Variants in FGF14 observed in about 807,000 individuals in gnomAD.
FGF14 encodes fibroblast growth factor homologous factor 4.
A neutral mutation model predicts 25.5 loss-of-function variants in FGF14; 5 were observed. That is an observed-to-expected ratio of 0.20 (90% confidence interval 0.10 to 0.41). The LOEUF (loss-of-function observed/expected upper bound fraction) is 0.41. Ranked by LOEUF, FGF14 falls within the 10% of genes least tolerant of loss-of-function variation. The pLI is 1.00. For synonymous variants in FGF14, 138 were observed against 118.3 expected (o/e 1.17, Z -1.08); for missense variants, 222 against 320.1 (o/e 0.69, Z 2.34).
chr13:102,080,678 T>G (rs2140192841), intron 1 of FGF14, among the ~76,000 whole-genome samples: 1 of 152,368 alleles, frequency 6.6e-6, no homozygotes, highest in African/African-American at 2.4e-5. Context: ...GTTGGTGTTT[T>G]GTCTACACAG....
chr13:101,868,693 C>T (rs547320003), intron 3 of FGF14, 32 bp downstream of exon 3: 16 of 1,311,714 alleles, frequency 1.2e-5, no homozygotes, highest in East Asian at 4.6e-5. Flanking sequence ...ATGCATTGAA[C>T]GAATGGCCGA....
In FGF14 at chr13:102,401,769, G is replaced by A. The variant is rs1458457908; in HGVS notation, c.-91C>T. On this transcript the variant is annotated 5_prime_UTR_variant, in exon 1 of 5. Coordinates refer to the FGF14 transcript ENST00000376131. ...GACTTCTCAGTGATTGTTTGTTTTC[G>A]GCCAGGGTGAATGATTTATCCCCCC... is the stretch of plus-strand genomic sequence containing the variant. The A allele has an allele frequency of 4.5e-6, 5 of 1,106,192 alleles. No individual in the cohort carries two copies. In the African/African-American group the frequency reaches 4.7e-5, roughly 10 times the overall value. 68.5% of individuals were successfully genotyped at this position (1,106,192 alleles called of 1,614,324 possible).
At chr13:102,192,380 A>G (rs749476945) in intron 1 of FGF14, among the ~76,000 whole-genome samples, 2 of 152,186 alleles carry the variant, frequency 1.3e-5, no homozygotes, top group African/African-American at 2.4e-5. Context: ...GATTCAGTCC[A>G]TGAGTCATTA....
At chr13:102,137,186 T>C (rs745883090) in intron 1 of FGF14, among the ~76,000 whole-genome samples, 4 of 152,192 alleles carry the variant, frequency 2.6e-5, no homozygotes, top group Non-Finnish European at 5.9e-5. Context: ...GTTTTTCCAG[T>C]GATCACAATA....
intron 3 of FGF14, among the ~76,000 whole-genome samples, chr13:101,844,691 T>C (rs1054019733): frequency 8.8e-4 from 134 of 152,142 alleles, no homozygotes; most frequent in African/African-American, 3.2e-3. Flanking sequence ...ATTACATACA[T>C]AGTGTACATT....
chr13:102,038,740 G>C (rs2041592376), intron 1 of FGF14, among the ~76,000 whole-genome samples: 1 of 151,980 alleles, frequency 6.6e-6, no homozygotes, highest in Admixed American at 6.6e-5. Context: ...TTTTGAACCA[G>C]TGTGAAAGTT....
intron 3 of FGF14, among the ~76,000 whole-genome samples, chr13:101,808,609 G>A (rs2041330670): frequency 6.6e-6 from 1 of 152,064 alleles, no homozygotes; most frequent in Admixed American, 6.6e-5. Context: ...AAAATATGAC[G>A]TGGTAGCTAT....
At chr13:101,756,495 G>A (rs1239205811) in intron 3 of FGF14, among the ~76,000 whole-genome samples, 3 of 152,288 alleles carry the variant, frequency 2.0e-5, no homozygotes, top group Middle Eastern at 3.4e-3. Context: ...AGCACTTTGG[G>A]AGGCTGAGGT....
intron 3 of FGF14, among the ~76,000 whole-genome samples, chr13:101,755,998 AT>A (rs2037622024): frequency 6.6e-6 from 1 of 152,202 alleles, no homozygotes; most frequent in Non-Finnish European, 1.5e-5. Flanking sequence ...TGTAAAAGTT[AT>A]TAGTGTAGCT....
At chr13:102,161,610 G>GAAGAAGAAGAAGAAC (rs2047687571) in intron 1 of FGF14, among the ~76,000 whole-genome samples, 1 of 2,922 alleles carries the variant, frequency 3.4e-4, no homozygotes, top group Non-Finnish European at 5.5e-4. Flanking sequence ...AGAAGAAGAA[G>GAAGAAGAAGAAGAAC]AAGAAGAAGA....
intron 1 of FGF14, among the ~76,000 whole-genome samples, chr13:102,004,182 C>T (rs1033718076): frequency 2.0e-5 from 3 of 152,106 alleles, no homozygotes; most frequent in South Asian, 2.1e-4. Flanking sequence ...GTAAAGTATA[C>T]GGTGACTTTA....
intron 3 of FGF14, among the ~76,000 whole-genome samples, chr13:101,751,359 C>T (rs992178796): frequency 1.3e-5 from 2 of 152,078 alleles, no homozygotes; most frequent in Admixed American, 6.6e-5. Context: ...AAAGCTAAAA[C>T]TGCTTTTAAA....
intron 1 of FGF14, among the ~76,000 whole-genome samples, chr13:102,336,597 TA>T (rs991375435): frequency 6.6e-6 from 1 of 152,194 alleles, no homozygotes. Context: ...GTGTCTACAC[TA>T]AACAACAGAT....
intron 1 of FGF14, among the ~76,000 whole-genome samples, chr13:102,007,472 G>A (rs1413722950): frequency 6.6e-6 from 1 of 152,194 alleles, no homozygotes; most frequent in Non-Finnish European, 1.5e-5. Flanking sequence ...AAACTGGGCA[G>A]AGTATAGAAC....
intron 1 of FGF14, among the ~76,000 whole-genome samples, chr13:102,190,429 T>C (rs1368270699): frequency 6.6e-6 from 1 of 152,210 alleles, no homozygotes; most frequent in Non-Finnish European, 1.5e-5. Context: ...ACAGTGTTAC[T>C]GGCCTCTAGT....
intron 1 of FGF14, among the ~76,000 whole-genome samples, chr13:102,310,828 T>A (rs1163107867): frequency 6.6e-6 from 1 of 151,468 alleles, no homozygotes; most frequent in East Asian, 1.9e-4. Context: ...GTCTCAGGAG[T>A]TAACTAATCA....
At chr13:101,740,458 G>A (rs934755279) in intron 3 of FGF14, among the ~76,000 whole-genome samples, 8 of 152,130 alleles carry the variant, frequency 5.3e-5, no homozygotes, top group Non-Finnish European at 8.8e-5. Context: ...GTGGGCCAAG[G>A]CATTGGCAAT....
At chr13:102,080,840 T>C (rs1001548286) in intron 1 of FGF14, among the ~76,000 whole-genome samples, 4 of 152,180 alleles carry the variant, frequency 2.6e-5, no homozygotes, top group South Asian at 2.1e-4. Context: ...TATTGTGCCA[T>C]TGAATTAAAG....
At chr13:102,122,453 C>G (rs1458700415) in intron 1 of FGF14, among the ~76,000 whole-genome samples, 1 of 152,178 alleles carries the variant, frequency 6.6e-6, no homozygotes, top group Non-Finnish European at 1.5e-5. Flanking sequence ...AATATCATTT[C>G]CCCTTGCATA....
Sources: gnomAD v4.1 joint callset for allele counts (sites outside exome capture counted in the v4.1 genomes callset) on GRCh38, gnomAD v4.1.1 for gene constraint, MANE v1.5 for transcripts, NCBI Gene and HGNC (gene_info 2026-07-23, HGNC 2026-07-21) for gene names.